ERBB4: variants seen among roughly 807,000 people sequenced by gnomAD.
ERBB4 encodes the protein receptor tyrosine-protein kinase erbB-4.
Under a neutral mutation model 158.0 loss-of-function variants are expected in ERBB4, and 42 were observed. That is an observed-to-expected ratio of 0.27 (90% CI 0.21 to 0.34). ERBB4 has a LOEUF of 0.34. ERBB4 is among the 10% of genes least tolerant of loss of function. The pLI, the probability that ERBB4 is intolerant of heterozygous loss-of-function variation, is 1.00. For missense variants in ERBB4, 1,333 were observed against 1,624.1 expected, an observed-to-expected ratio of 0.82 and a Z score of 3.08; for synonymous variants, 583 against 558.7, an observed-to-expected ratio of 1.04 and a Z score of -0.61.
At chr2:212,350,430 T>A (rs1031961460) in intron 1 of ERBB4, among the ~76,000 whole-genome samples, 4 of 152,104 alleles carry the variant, frequency 2.6e-5, no homozygotes, top group African/African-American at 9.7e-5. Flanking sequence ...CATAAGCAAA[T>A]GTTTTGCTGT....
chr2:211,977,355 G>GT (rs2081638792), intron 2 of ERBB4, among the ~76,000 whole-genome samples: 3 of 152,010 alleles, frequency 2.0e-5, no homozygotes, highest in Admixed American at 1.3e-4. Context: ...GTAGTCTTGT[G>GT]TATTACATAT....
intron 1 of ERBB4, among the ~76,000 whole-genome samples, chr2:212,272,576 C>T (rs2085381978): frequency 6.6e-6 from 1 of 151,714 alleles, no homozygotes; most frequent in South Asian, 2.1e-4. Flanking sequence ...ACCTGACCAA[C>T]ATCAGACTAT....
chr2:211,820,659 T>C (rs540027135), intron 3 of ERBB4, among the ~76,000 whole-genome samples: 33 of 151,802 alleles, frequency 2.2e-4, no homozygotes, highest in Non-Finnish European at 4.4e-4. Context: ...ATATCTCTGA[T>C]GACATAGACA....
At chr2:211,443,704 T>C (rs2064041506) in intron 20 of ERBB4, among the ~76,000 whole-genome samples, 1 of 152,074 alleles carries the variant, frequency 6.6e-6, no homozygotes, top group Non-Finnish European at 1.5e-5. Flanking sequence ...TTATCAGCGC[T>C]GCCACTAACT....
chr2:211,559,715 T>C (rs1431729591), intron 20 of ERBB4, among the ~76,000 whole-genome samples: 2 of 152,210 alleles, frequency 1.3e-5, no homozygotes, highest in Non-Finnish European at 1.5e-5. Flanking sequence ...GTCTGTTCAA[T>C]CCATTAGGGT....
At chr2:211,501,434 G>A (rs2065612929) in intron 20 of ERBB4, among the ~76,000 whole-genome samples, 1 of 151,552 alleles carries the variant, frequency 6.6e-6, no homozygotes, top group Non-Finnish European at 1.5e-5. Flanking sequence ...CATATTATAT[G>A]CTTGTATCAA....
At chr2:211,680,300 G>A (rs1297926364) in intron 12 of ERBB4, among the ~76,000 whole-genome samples, 1 of 151,954 alleles carries the variant, frequency 6.6e-6, no homozygotes, top group African/African-American at 2.4e-5. Context: ...CATTATTTTA[G>A]TGACGGGAGA....
chr2:212,233,916 A>C (rs905764144), intron 1 of ERBB4, among the ~76,000 whole-genome samples: 4 of 151,172 alleles, frequency 2.6e-5, no homozygotes, highest in Admixed American at 6.6e-5. Context: ...TCTGTCCTAA[A>C]TTAACAGTAT....
intron 19 of ERBB4, among the ~76,000 whole-genome samples, chr2:211,569,140 C>G (rs556028948): frequency 1.3e-5 from 2 of 152,286 alleles, no homozygotes; most frequent in African/African-American, 4.8e-5. Context: ...GAAGTCAGCA[C>G]TTTTCCATCT....
chr2:211,476,333 T>TA (rs1343786110), intron 20 of ERBB4, among the ~76,000 whole-genome samples: 3 of 152,124 alleles, frequency 2.0e-5, no homozygotes, highest in Non-Finnish European at 4.4e-5. Flanking sequence ...GAGTGCTCAA[T>TA]AAAAAAATGC....
At chr2:211,806,855 T>C (rs773212861) in intron 3 of ERBB4, among the ~76,000 whole-genome samples, 1 of 152,016 alleles carries the variant, frequency 6.6e-6, no homozygotes, top group East Asian at 1.9e-4. Context: ...AAAATCACAA[T>C]AATGTAAGTA....
At chr2:212,407,159 T>C (rs774047540) in intron 1 of ERBB4, among the ~76,000 whole-genome samples, 6 of 151,000 alleles carry the variant, frequency 4.0e-5, no homozygotes, top group African/African-American at 7.3e-5. Flanking sequence ...TATATAAATA[T>C]ACATTATCTA....
chr2:211,889,262 C>G (rs1457869488), intron 3 of ERBB4, among the ~76,000 whole-genome samples: 2 of 144,572 alleles, frequency 1.4e-5, no homozygotes, highest in Non-Finnish European at 3.0e-5. Flanking sequence ...AGCAGCCTAA[C>G]TGGGAGGCAC....
intron 3 of ERBB4, among the ~76,000 whole-genome samples, chr2:211,855,604 C>T (rs970113001): frequency 2.6e-5 from 4 of 152,100 alleles, no homozygotes; most frequent in Non-Finnish European, 5.9e-5. Context: ...TCCTCCAATA[C>T]CAATTCTTTC....
intron 5 of ERBB4, among the ~76,000 whole-genome samples, chr2:211,746,580 G>A (rs2074978709): frequency 6.6e-6 from 1 of 152,116 alleles, no homozygotes; most frequent in South Asian, 2.1e-4. Context: ...TGTAATCCTA[G>A]CACTTTGGGA....
intron 20 of ERBB4, among the ~76,000 whole-genome samples, chr2:211,477,672 A>G (rs1170138850): frequency 1.3e-5 from 2 of 152,098 alleles, no homozygotes; most frequent in African/African-American, 4.8e-5. Context: ...AAGAAAGCAA[A>G]AGAAACTAGA....
At position 211,675,770 on chromosome 2, in the gene ERBB4, A is replaced by AAT. The variant is rs200881629; in HGVS notation, c.1623-2515_1623-2514dup. 1.2e-3 allele frequency among the ~76,000 whole-genome samples: 140 copies of AAT among 119,202 alleles called. 1 individual carries two copies. The East Asian group carries it at 0.03, about 25-fold the overall frequency. The allele number at this position is 119,202 out of a possible 152,430, so 78.2% of individuals were successfully genotyped here. ...TTTTTAACATATATATATTTAATAT[A>AAT]ATATATATATAAAATATAATATTAT... On this transcript the variant is annotated intron_variant, in intron 13 of 27. Transcript: ENST00000342788.
chr2:212,316,713 C>T (rs1560000206), intron 1 of ERBB4, among the ~76,000 whole-genome samples: 1 of 151,294 alleles, frequency 6.6e-6, no homozygotes, highest in East Asian at 2.0e-4. Flanking sequence ...CAAGCATCTT[C>T]CTAAAAAAAA....
chr2:211,937,699 A>G lies in ERBB4; in HGVS notation c.421+9731T>C, dbSNP rs186416762. 3.9e-5 allele frequency among the ~76,000 whole-genome samples: 6 copies of G among 152,206 alleles called. No individual in the cohort carries two copies. In the East Asian group the frequency reaches 1.2e-3, roughly 30 times the overall value. On this transcript the variant is annotated intron_variant, in intron 3 of 27. Coordinates refer to ENST00000342788, the MANE Select transcript of ERBB4 (RefSeq NM_005235.3). ...GGGGGAAGCCCCTTATAAAACCATC[A>G]GCTCTTGTGAGAACTAACTCACTAT...
Sources: allele counts gnomAD v4.1 joint callset (sites outside exome capture counted in the v4.1 genomes callset), GRCh38; gene constraint gnomAD v4.1.1; transcripts MANE v1.5; gene names NCBI Gene and HGNC (gene_info 2026-07-23, HGNC 2026-07-21).